Variants in CFAP54 observed in about 807,000 individuals in gnomAD.
CFAP54 encodes the protein cilia and flagella associated protein 54, also known as cilia- and flagella-associated protein 54.
A neutral mutation model predicts 370.4 loss-of-function variants in CFAP54; 290 were observed. The observed-to-expected ratio is 0.78, with a 90% CI of 0.71 to 0.86. CFAP54 has a LOEUF of 0.86. Ranked by LOEUF, CFAP54 falls within the 40% of genes least tolerant of loss-of-function variation. The probability of loss-of-function intolerance (pLI) is 0.00; values close to 1 mark genes in which losing one functional copy is unlikely to be tolerated. For synonymous variants in CFAP54, 1,206 were observed against 1,236.5 expected, an observed-to-expected ratio of 0.98 and a Z score of 0.52; for missense variants, 3,399 against 3,528.7, an observed-to-expected ratio of 0.96 and a Z score of 0.93.
At chr12:96,792,528 TTTCATTTATATA>T in intron 63 of CFAP54, 29 bp downstream of exon 63, 1 of 1,478,878 alleles carries the variant, frequency 6.8e-7, no homozygotes, top group Non-Finnish European at 9.0e-7. Flanking sequence ...GAACTCAATA[TTTCATTTATATA>T]TAAAGCTTAA....
Position 96,649,921 on chromosome 12 carries a change from C to T in CFAP54, c.4721C>T (p.Ser1574Phe), listed in dbSNP as rs1956838617. ...GAAGAATTTTCTACATTTATTAATT[C>T]CATAATGAGTGATGAAAATATGTCC... ...DAEEFSTFIN[S>F]IMSDENMSKT... The change falls in exon 35 of 68, where the codon TCC becomes TTC. Residue 1574 changes from serine to phenylalanine, a missense_variant. This residue lies in a region of CFAP54 where 2,796 missense variants were observed against 2,869.7 expected (regional missense o/e 0.97). Transcript: ENST00000524981. 1.9e-6 allele frequency: 3 copies of T among 1,603,096 alleles called. No individual in the cohort carries two copies. The highest frequency in any genetic ancestry group is 2.2e-5 in the East Asian group (1 of 44,722).
At chr12:96,707,897 C>A (rs1007073759) in intron 47 of CFAP54, among the ~76,000 whole-genome samples, 1 of 151,768 alleles carries the variant, frequency 6.6e-6, no homozygotes, top group South Asian at 2.1e-4. Flanking sequence ...GAGAGAAGGG[C>A]GCAAAATGGT....
intron 45 of CFAP54, among the ~76,000 whole-genome samples, chr12:96,694,850 C>T (rs1023615816): frequency 3.3e-5 from 5 of 151,938 alleles, no homozygotes; most frequent in Non-Finnish European, 7.4e-5. Context: ...GGTGAAACCC[C>T]ATCTCTACTA....
chr12:96,825,468 TTA>T (rs578158286), intron 65 of CFAP54, among the ~76,000 whole-genome samples: 309 of 117,050 alleles, frequency 2.6e-3, no homozygotes, highest in Middle Eastern at 9.6e-3. Flanking sequence ...ATATAATATA[TTA>T]TATATATTAT....
At position 96,519,004 on chromosome 12, in the gene CFAP54, G is replaced by A; in HGVS notation, c.875G>A (p.Trp292Ter). Residue 292 changes from tryptophan (W) to a stop codon, truncating the protein, a stop_gained, in exon 6 of 68, where the codon TGG becomes TAG. Transcript: ENST00000524981. LOFTEE classifies it high-confidence loss of function. ...VPLLSLRYLT[W>*]RATLYTAVCQ... The stretch of plus-strand genomic sequence containing the variant: ...CTCCTGTCACTCAGGTACTTGACAT[G>A]GCGCGCTACTCTCTACACAGCTGTT... The A allele has an allele frequency of 5.9e-6, 9 of 1,536,030 alleles. No individual in the cohort carries two copies. Among genetic ancestry groups the A allele is most frequent in the Non-Finnish European group, 7.8e-6 (9 of 1,146,890 alleles).
chr12:96,511,956 T>C (rs1955174247), intron 4 of CFAP54, among the ~76,000 whole-genome samples: 1 of 152,158 alleles, frequency 6.6e-6, no homozygotes, highest in Admixed American at 6.5e-5. Context: ...AAACTGCTTG[T>C]ATACAGAGAG....
intron 64 of CFAP54, 141 bp from the exon 65 acceptor site, chr12:96,817,634 A>G: frequency 3.5e-6 from 1 of 288,346 alleles, no homozygotes; most frequent in Non-Finnish European, 6.2e-6. Flanking sequence ...GTTAGCCAGG[A>G]TGGTATCAAT....
intron 26 of CFAP54, among the ~76,000 whole-genome samples, chr12:96,615,665 A>G (rs1428958796): frequency 2.0e-5 from 3 of 152,208 alleles, no homozygotes; most frequent in African/African-American, 7.2e-5. Context: ...CAAATTTACA[A>G]GAAAAAAATA....
At chr12:96,547,683 AG>A (rs1463520693) in intron 14 of CFAP54, among the ~76,000 whole-genome samples, 10 of 152,342 alleles carry the variant, frequency 6.6e-5, no homozygotes, top group African/African-American at 2.4e-4. Flanking sequence ...GTAATTAAAA[AG>A]TAATTAATTT....
At chr12:96,529,223 T>C (rs932274048) in intron 9 of CFAP54, among the ~76,000 whole-genome samples, 15 of 152,174 alleles carry the variant, frequency 9.9e-5, no homozygotes, top group Non-Finnish European at 2.9e-5. Context: ...GACTATGTAT[T>C]TTTTGTTGTT....
In CFAP54 at chr12:96,644,353, C is replaced by G. The variant is rs1174815572; in HGVS notation, c.4492C>G (p.Gln1498Glu). The change falls in exon 33 of 68, where the codon CAA becomes GAA. Residue 1498 changes from glutamine (Q) to glutamate (E), a missense_variant. Gln to Glu is a conservative substitution (Grantham distance 29, BLOSUM62 2). Coordinates refer to ENST00000524981, the MANE Select transcript of CFAP54 (RefSeq NM_001306084.2). ...AGGTGCACACTTTAACCTGGTTTTA[C>G]AAAAGCTATGGGAGTGTACGAAGAT... The part of the protein sequence containing the change: ...LAGAHFNLVL[Q>E]KLWECTKMKF... 1 of 1,535,938 alleles carries G rather than the reference C, an allele frequency of 6.5e-7. No homozygotes were observed. Among genetic ancestry groups the G allele is most frequent in the Non-Finnish European group, 8.7e-7 (1 of 1,146,796 alleles).
intron 65 of CFAP54, among the ~76,000 whole-genome samples, chr12:96,823,254 C>T (rs560023175): frequency 1.3e-5 from 2 of 152,254 alleles, no homozygotes; most frequent in Non-Finnish European, 2.9e-5. Context: ...TGTTTCCTTG[C>T]ATCCCCAAAT....
At chr12:96,539,643 C>G (rs1173803213) in intron 13 of CFAP54, among the ~76,000 whole-genome samples, 2 of 152,114 alleles carry the variant, frequency 1.3e-5, no homozygotes, top group East Asian at 3.9e-4. Flanking sequence ...CCACTGCACT[C>G]TAGCCTGGAC....
At chr12:96,706,658 A>G (rs1211014828) in intron 47 of CFAP54, among the ~76,000 whole-genome samples, 2 of 152,188 alleles carry the variant, frequency 1.3e-5, no homozygotes, top group Non-Finnish European at 1.5e-5. Flanking sequence ...GATTTATGCC[A>G]TAAAGGGATT....
At chr12:96,705,693 T>A (rs1274208302) in intron 47 of CFAP54, among the ~76,000 whole-genome samples, 4 of 152,338 alleles carry the variant, frequency 2.6e-5, no homozygotes, top group Non-Finnish European at 4.4e-5. Context: ...ACTCAGTTTC[T>A]ATTAGCTAGT....
chr12:96,592,551 A>AT lies in CFAP54; in HGVS notation c.3279dup (p.Val1094CysfsTer4). 2 of 1,139,470 alleles carry AT rather than the reference A, an allele frequency of 1.8e-6. No individual in the cohort carries two copies. Among genetic ancestry groups the AT allele is most frequent in the African/African-American group, 1.6e-5 (1 of 63,112 alleles). The allele number at this position is 1,139,470 out of a possible 1,614,324, so 70.6% of individuals were successfully genotyped here. On this transcript the variant is annotated frameshift_variant, in exon 24 of 68. Coordinates refer to ENST00000524981, the MANE Select transcript of CFAP54 (RefSeq NM_001306084.2). LOFTEE classifies it high-confidence loss of function. ...CCTCTTGTACCTTTTTCTTAGAAAT[A>AT]TTTTTGTAACAAGTGACATCAAAAT...
intron 52 of CFAP54, among the ~76,000 whole-genome samples, chr12:96,743,186 A>G (rs1958071536): frequency 6.6e-6 from 1 of 152,206 alleles, no homozygotes; most frequent in Admixed American, 6.6e-5. Flanking sequence ...ATGCAATATC[A>G]TCATTTTTGC....
chr12:96,787,116 A>C (rs962771716), intron 62 of CFAP54, among the ~76,000 whole-genome samples: 5 of 152,184 alleles, frequency 3.3e-5, no homozygotes, highest in African/African-American at 9.6e-5. Context: ...TGTTCTCATA[A>C]GTCTTTTAAA....
chr12:96,515,754 C>T (rs1301728202), intron 5 of CFAP54, among the ~76,000 whole-genome samples: 1 of 151,824 alleles, frequency 6.6e-6, no homozygotes, highest in Non-Finnish European at 1.5e-5. Flanking sequence ...TGTGCTAGGT[C>T]CTGTGAAAGG....
Sources: allele counts gnomAD v4.1 joint callset (sites outside exome capture counted in the v4.1 genomes callset), GRCh38; gene constraint gnomAD v4.1.1; regional missense constraint gnomAD v4.1.1; transcripts MANE v1.5; gene names NCBI Gene and HGNC (gene_info 2026-07-23, HGNC 2026-07-21).